The following MAD1L1 variants were observed in gnomAD, a reference collection of about 807,000 sequenced individuals.
MAD1L1 encodes mitotic arrest deficient 1 like 1, also known as mitotic spindle assembly checkpoint protein MAD1.
MAD1L1 carries 95 observed loss-of-function variants against 96.9 expected under a neutral mutation model. That is an observed-to-expected ratio of 0.98 (90% confidence interval 0.83 to 1.16). The LOEUF is 1.16. MAD1L1 is among the 50% of genes most tolerant of loss of function. MAD1L1 has a pLI of 0.00. For synonymous variants in MAD1L1, 473 were observed against 396.6 expected, an observed-to-expected ratio of 1.19 and a Z score of -2.29; for missense variants, 1,007 against 954.4, an observed-to-expected ratio of 1.06 and a Z score of -0.73.
At chr7:2,032,676 G>A (rs1384646778) in intron 12 of MAD1L1, among the ~76,000 whole-genome samples, 4 of 152,220 alleles carry the variant, frequency 2.6e-5, no homozygotes, top group African/African-American at 7.2e-5. Flanking sequence ...CTCCCACCAG[G>A]CTCGAGGGAC....
chr7:2,156,915 G>A (rs1481757770), intron 10 of MAD1L1, among the ~76,000 whole-genome samples: 19 of 152,028 alleles, frequency 1.2e-4, no homozygotes, highest in Admixed American at 1.2e-3. Context: ...CAGCCTTCTG[G>A]GCAAGTTACC....
At chr7:1,998,276 T>C (rs1290192020) in intron 14 of MAD1L1, among the ~76,000 whole-genome samples, 2 of 152,080 alleles carry the variant, frequency 1.3e-5, no homozygotes, top group South Asian at 4.2e-4. Flanking sequence ...GAGCAGCTCC[T>C]CCAAAACCAC....
chr7:1,961,733 T>A (rs1779956984), intron 15 of MAD1L1, among the ~76,000 whole-genome samples: 1 of 152,200 alleles, frequency 6.6e-6, no homozygotes, highest in African/African-American at 2.4e-5. Context: ...ATAATCCCCA[T>A]GTGTTGCGGG....
intron 12 of MAD1L1, among the ~76,000 whole-genome samples, chr7:2,036,333 G>A (rs1359538154): frequency 2.6e-5 from 4 of 151,874 alleles, no homozygotes; most frequent in African/African-American, 7.3e-5. Context: ...CAGAGCTGGG[G>A]TCCAGGCTCC....
At chr7:2,216,474 T>C (rs1401822030) in intron 7 of MAD1L1, among the ~76,000 whole-genome samples, 187 bp from the exon 8 acceptor site, 1 of 152,184 alleles carries the variant, frequency 6.6e-6, no homozygotes, top group African/African-American at 2.4e-5. Context: ...AGGCAGGGAT[T>C]GACTGGGGGA....
At chr7:1,911,060 A>G (rs1238277332) in intron 17 of MAD1L1, among the ~76,000 whole-genome samples, 1 of 125,082 alleles carries the variant, frequency 8.0e-6, no homozygotes, top group Non-Finnish European at 1.7e-5. Context: ...GTGAGGATTC[A>G]TAACTGCAGG....
At chr7:1,892,120 T>C (rs1041170582) in intron 18 of MAD1L1, among the ~76,000 whole-genome samples, 2 of 152,194 alleles carry the variant, frequency 1.3e-5, no homozygotes, top group African/African-American at 2.4e-5. Context: ...ACCTTTTCCA[T>C]ATTTAAACAC....
chr7:2,062,842 C>G (rs769311085), intron 12 of MAD1L1, among the ~76,000 whole-genome samples: 19 of 152,160 alleles, frequency 1.2e-4, no homozygotes, highest in Admixed American at 2.6e-4. Context: ...GTCACTAAAC[C>G]GTGACCCACT....
intron 18 of MAD1L1, among the ~76,000 whole-genome samples, chr7:1,863,932 C>A (rs186355919): frequency 1.3e-5 from 2 of 152,180 alleles, no homozygotes; most frequent in South Asian, 2.1e-4. Flanking sequence ...ACTAAAAATA[C>A]AAAAAATTAG....
At chr7:1,896,849 T>G (rs926467717) in intron 18 of MAD1L1, among the ~76,000 whole-genome samples, 24 of 152,364 alleles carry the variant, frequency 1.6e-4, no homozygotes, top group African/African-American at 5.8e-4. Context: ...TGATAACTGT[T>G]CATGGTACAC....
chr7:2,127,586 C>T (rs1212972799), intron 11 of MAD1L1, among the ~76,000 whole-genome samples: 2 of 152,098 alleles, frequency 1.3e-5, no homozygotes, highest in African/African-American at 2.4e-5. Flanking sequence ...GGAGCAGAAA[C>T]GACCTGGGGT....
At chr7:2,033,681 C>G (rs1239516462) in intron 12 of MAD1L1, among the ~76,000 whole-genome samples, 1 of 152,248 alleles carries the variant, frequency 6.6e-6, no homozygotes, top group Non-Finnish European at 1.5e-5. Context: ...TAACACTCAG[C>G]ACGAGTGAGG....
chr7:2,120,337 G>A (rs931821208), intron 11 of MAD1L1, among the ~76,000 whole-genome samples: 2 of 152,226 alleles, frequency 1.3e-5, no homozygotes, highest in African/African-American at 4.8e-5. Context: ...CTTCCTCCCA[G>A]CTGATAACGA....
intron 15 of MAD1L1, among the ~76,000 whole-genome samples, chr7:1,967,077 CT>C (rs1242885498): frequency 3.3e-5 from 5 of 152,178 alleles, no homozygotes; most frequent in Non-Finnish European, 5.9e-5. Flanking sequence ...CACTGTATGA[CT>C]GAAAACAAAA....
At chr7:2,044,924 G>C (rs1783853504) in intron 12 of MAD1L1, among the ~76,000 whole-genome samples, 2 of 152,154 alleles carry the variant, frequency 1.3e-5, no homozygotes, top group African/African-American at 4.8e-5. Flanking sequence ...GGCCAGGCCT[G>C]TCACCTCCCC....
intron 14 of MAD1L1, among the ~76,000 whole-genome samples, chr7:1,993,550 C>A (rs1362159879): frequency 3.9e-5 from 6 of 152,220 alleles, no homozygotes; most frequent in Non-Finnish European, 1.5e-5. Flanking sequence ...CAAGCTTACG[C>A]CTTCCCTCTG....
At chr7:1,927,275 G>A (rs55737428) in intron 17 of MAD1L1, among the ~76,000 whole-genome samples, 5,176 of 152,302 alleles carry the variant, frequency 0.034, 192 homozygotes, top group Admixed American at 0.099. Context: ...TTCATGTATC[G>A]GAAGACTCAC....
intron 14 of MAD1L1, among the ~76,000 whole-genome samples, chr7:1,987,627 C>T (rs947225485): frequency 1.3e-5 from 2 of 152,190 alleles, no homozygotes; most frequent in Non-Finnish European, 2.9e-5. Flanking sequence ...GGGGTGCTCT[C>T]GGCACCAACT....
At chr7:1,817,795 A>C (rs1781899733) in intron 18 of MAD1L1, among the ~76,000 whole-genome samples, 1 of 152,024 alleles carries the variant, frequency 6.6e-6, no homozygotes, top group Non-Finnish European at 1.5e-5. Flanking sequence ...CAGGAGCCAC[A>C]GGGCGGCCTG....
Sources: allele counts gnomAD v4.1 joint callset (sites outside exome capture counted in the v4.1 genomes callset), GRCh38; gene constraint gnomAD v4.1.1; transcripts MANE v1.5; gene names NCBI Gene and HGNC (gene_info 2026-07-23, HGNC 2026-07-21).